Variants in ELOVL7 observed in about 807,000 individuals in gnomAD.
ELOVL7 encodes the protein very long chain fatty acid elongase 7.
In ELOVL7, 27 loss-of-function variants were observed where a neutral mutation model predicts 35.7. The observed-to-expected ratio is 0.76, with a 90% CI of 0.56 to 1.04. ELOVL7 has a LOEUF of 1.04. Among genes scored for constraint, ELOVL7 ranks in the 50% least tolerant of loss-of-function variants. The probability of loss-of-function intolerance (pLI) is 0.00; values close to 1 mark genes in which losing one functional copy is unlikely to be tolerated. For synonymous variants in ELOVL7, 113 were observed against 114.6 expected (o/e 0.99, Z 0.09); for missense variants, 327 against 340.8 (o/e 0.96, Z 0.32).
chr5:60,822,816 A>G (rs946072880), intron 1 of ELOVL7, among the ~76,000 whole-genome samples: 2 of 152,222 alleles, frequency 1.3e-5, no homozygotes, highest in Non-Finnish European at 2.9e-5. Flanking sequence ...CAGGATCATG[A>G]AAACAAAAGT....
At chr5:60,843,965 G>A (rs996118813) in intron 1 of ELOVL7, among the ~76,000 whole-genome samples, 195 bp downstream of exon 1, 3 of 152,108 alleles carry the variant, frequency 2.0e-5, no homozygotes, top group Admixed American at 6.5e-5. Flanking sequence ...AGCGCCTCCC[G>A]AGCCCAGGGA....
At chr5:60,784,986 G>A (rs1743488766) in intron 3 of ELOVL7, among the ~76,000 whole-genome samples, 1 of 152,152 alleles carries the variant, frequency 6.6e-6, no homozygotes, top group Non-Finnish European at 1.5e-5. Context: ...GCACTTTCAT[G>A]TATGTTATCT....
rs547457042 is a variant in ELOVL7 at position 60,757,182 on chromosome 5, C to T, written c.636+327G>A. On this transcript the variant is annotated intron_variant, in intron 8 of 8. Coordinates refer to ENST00000508821, the MANE Select transcript of ELOVL7 (RefSeq NM_024930.3). Reference sequence around the variant, plus strand: ...TTCCCTCAAGGTCATTTAGATCTAACGGAATTTCTAATTTCTAATAGGTAT... The same window carrying T: ...TTCCCTCAAGGTCATTTAGATCTAATGGAATTTCTAATTTCTAATAGGTAT... Among the ~76,000 whole-genome samples, 4 of 152,146 alleles carry T rather than the reference C, an allele frequency of 2.6e-5. No individual in the cohort carries two copies. The South Asian group carries it at 8.3e-4, about 32-fold the overall frequency.
In ELOVL7 at chr5:60,800,400, G is replaced by A. The variant is rs139208873; in HGVS notation, c.-85-1170C>T. On this transcript the variant is annotated intron_variant, in intron 1 of 8. Coordinates refer to ENST00000508821, the MANE Select transcript of ELOVL7 (RefSeq NM_024930.3). ...CCAAAACCACATAATCATTCCAATC[G>A]ATGCAAAAAGAGCATTTGACAAAAT... Among the ~76,000 whole-genome samples, 651 of 152,126 alleles carry A rather than the reference G, an allele frequency of 4.3e-3. 4 individuals are homozygous for A. The highest frequency in any genetic ancestry group is 0.015 in the African/African-American group (604 of 41,474).
At chr5:60,794,696 T>C (rs1215336005) in intron 2 of ELOVL7, among the ~76,000 whole-genome samples, 4 of 152,234 alleles carry the variant, frequency 2.6e-5, no homozygotes, top group Non-Finnish European at 5.9e-5. Context: ...CACAGCTATA[T>C]GGTTTTCTCT....
chr5:60,757,591 T>C lies in ELOVL7; in HGVS notation c.554A>G (p.Tyr185Cys). Reference sequence around the variant, plus strand: ...CAATGCAGAAAGTCCATAGTAGGAATACATGACTACATGTACAGCTGTATT... The same window carrying C: ...CAATGCAGAAAGTCCATAGTAGGAACACATGACTACATGTACAGCTGTATT... ...LLNTAVHVVM[Y>C]SYYGLSALGP... The change falls in exon 8 of 9, where the codon TAT becomes TGT. Residue 185 changes from tyrosine (Y) to cysteine (C), a missense_variant. Transcript: ENST00000508821. 3.1e-6 allele frequency: 5 copies of C among 1,613,132 alleles called. No individual in the cohort carries two copies. The highest frequency in any genetic ancestry group is 3.4e-6 in the Non-Finnish European group (4 of 1,179,262).
At chr5:60,808,201 T>C (rs1485874552) in intron 1 of ELOVL7, among the ~76,000 whole-genome samples, 2 of 147,346 alleles carry the variant, frequency 1.4e-5, no homozygotes, top group Non-Finnish European at 3.0e-5. Flanking sequence ...GTTAAACTAA[T>C]AGAAAAAAAA....
chr5:60,814,556 A>G (rs891276279), intron 1 of ELOVL7, among the ~76,000 whole-genome samples: 2 of 152,220 alleles, frequency 1.3e-5, no homozygotes, highest in Non-Finnish European at 2.9e-5. Context: ...GTTCTGGGTC[A>G]TGTACTGTGC....
chr5:60,790,632 CTT>C (rs1417298811), intron 2 of ELOVL7, among the ~76,000 whole-genome samples: 10 of 152,112 alleles, frequency 6.6e-5, no homozygotes, highest in Non-Finnish European at 1.5e-4. Flanking sequence ...TGTCTGGACT[CTT>C]TATTTTCCTA....
intron 2 of ELOVL7, among the ~76,000 whole-genome samples, 194 bp from the exon 3 acceptor site, chr5:60,787,625 T>C (rs995309847): frequency 6.6e-6 from 1 of 152,242 alleles, no homozygotes; most frequent in African/African-American, 2.4e-5. Flanking sequence ...GGGTTTTCCA[T>C]CCTTCTAGAG....
chr5:60,774,847 C>T (rs1423982400), intron 3 of ELOVL7, among the ~76,000 whole-genome samples: 1 of 150,706 alleles, frequency 6.6e-6, no homozygotes, highest in Non-Finnish European at 1.5e-5. Flanking sequence ...TTCACTGCAA[C>T]CTCTGCCTCC....
chr5:60,786,418 A>C (rs1386502516), intron 3 of ELOVL7, among the ~76,000 whole-genome samples: 1 of 152,228 alleles, frequency 6.6e-6, no homozygotes, highest in Non-Finnish European at 1.5e-5. Flanking sequence ...ATAACTGCTA[A>C]ACCCCATGAA....
intron 1 of ELOVL7, among the ~76,000 whole-genome samples, chr5:60,837,154 C>T (rs1746843786): frequency 6.6e-6 from 1 of 151,750 alleles, no homozygotes; most frequent in Admixed American, 6.6e-5. Context: ...TCACTGCAGG[C>T]TGGGTGCAGT....
chr5:60,823,171 A>G (rs1745983924), intron 1 of ELOVL7, among the ~76,000 whole-genome samples: 1 of 152,210 alleles, frequency 6.6e-6, no homozygotes, highest in South Asian at 2.1e-4. Context: ...ACAACCCATG[A>G]AGGTCTAGAG....
intron 4 of ELOVL7, among the ~76,000 whole-genome samples, chr5:60,769,369 C>A (rs931186945): frequency 6.6e-6 from 1 of 152,180 alleles, no homozygotes; most frequent in Non-Finnish European, 1.5e-5. Context: ...TTACCCTACC[C>A]CAAACAAGCA....
At position 60,753,043 on chromosome 5, in the gene ELOVL7, T is replaced by G. The variant is rs1561413188; in HGVS notation, c.*1581A>C. On this transcript the variant is annotated 3_prime_UTR_variant, in exon 9 of 9. Coordinates refer to ENST00000508821, the MANE Select transcript of ELOVL7 (RefSeq NM_024930.3). ...ATCAAGTAAAATCACAAAAGATCAC[T>G]TAAAGGCAAATAACCTTATGAATCT... 6.6e-6 allele frequency: 1 copy of G among 152,028 alleles called. No homozygotes were observed. The highest frequency in any genetic ancestry group is 1.5e-5 in the Non-Finnish European group (1 of 67,990). 9.4% of individuals were successfully genotyped at this position (152,028 alleles called of 1,614,324 possible).
chr5:60,808,153 A>C (rs1745052070), intron 1 of ELOVL7, among the ~76,000 whole-genome samples: 1 of 152,044 alleles, frequency 6.6e-6, no homozygotes, highest in Admixed American at 6.5e-5. Context: ...TTCTAGGTAT[A>C]GAAGAAAACC....
chr5:60,755,828 T>C (rs1256721505), intron 8 of ELOVL7, among the ~76,000 whole-genome samples: 1 of 152,168 alleles, frequency 6.6e-6, no homozygotes, highest in Non-Finnish European at 1.5e-5. Flanking sequence ...TATCATGTTT[T>C]CCCTGATTAA....
chr5:60,754,680 CTTTG>C lies in ELOVL7; in HGVS notation c.786_789del (p.Lys263ValfsTer8). ...TTCACAGTTTTGGGCAACCTCTGAC[CTTTG>C]GTGTAAGCACGGTACCAAAAATGGA... On this transcript the variant is annotated frameshift_variant, in exon 9 of 9. Transcript: ENST00000508821. LOFTEE classifies it high-confidence loss of function. The C allele has an allele frequency of 6.2e-7, 1 of 1,614,042 alleles. No homozygotes were observed. Among genetic ancestry groups the C allele is most frequent in the South Asian group, 1.1e-5 (1 of 91,074 alleles).
Sources: allele counts gnomAD v4.1 joint callset (sites outside exome capture counted in the v4.1 genomes callset), GRCh38; gene constraint gnomAD v4.1.1; transcripts MANE v1.5; gene names NCBI Gene and HGNC (gene_info 2026-07-23, HGNC 2026-07-21).